Variants in GINS1 observed in about 807,000 individuals in gnomAD.
The protein encoded by GINS1 is GINS complex subunit 1.
A neutral mutation model predicts 34.9 loss-of-function variants in GINS1; 26 were observed. That is an observed-to-expected ratio of 0.74 (90% CI 0.55 to 1.03). The LOEUF (loss-of-function observed/expected upper bound fraction) is 1.03, where lower values mean the gene tolerates loss of function less well. Ranked by LOEUF, GINS1 falls within the 50% of genes least tolerant of loss-of-function variation. The pLI, the probability that GINS1 is intolerant of heterozygous loss-of-function variation, is 0.00. For missense variants in GINS1, 235 were observed against 237.9 expected (o/e 0.99, Z 0.08); for synonymous variants, 97 against 84.4 (o/e 1.15, Z -0.82).
chr20:25,447,459 A>G lies in GINS1; in HGVS notation c.*1468A>G, dbSNP rs2090518827. On this transcript the variant is annotated 3_prime_UTR_variant, in exon 7 of 7. Coordinates refer to ENST00000262460, the MANE Select transcript of GINS1 (RefSeq NM_021067.5). ...TTTTGAAAGGACTGCCCTTTGCTCTATCACCTTTGCATTTTTGTTAAAAAG... is the reference window on the plus strand; with the variant it reads ...TTTTGAAAGGACTGCCCTTTGCTCTGTCACCTTTGCATTTTTGTTAAAAAG... The G allele has an allele frequency of 6.6e-6, 1 of 152,218 alleles. No individual in the cohort carries two copies. The highest frequency in any genetic ancestry group is 2.4e-5 in the African/African-American group (1 of 41,450). The allele number at this position is 152,218 out of a possible 1,614,324, so 9.4% of individuals were successfully genotyped here.
chr20:25,408,948 C>T (rs925386759), intron 1 of GINS1: 1 of 983,054 alleles, frequency 1.0e-6, no homozygotes, highest in Non-Finnish European at 1.2e-6. Context: ...TAGAATTCAC[C>T]ACGCTAAGTG....
chr20:25,410,117 G>A (rs1295237117), intron 1 of GINS1, among the ~76,000 whole-genome samples: 1 of 152,058 alleles, frequency 6.6e-6, no homozygotes, highest in East Asian at 1.9e-4. Flanking sequence ...TGAGGCGGGC[G>A]GATTACAGGG....
chr20:25,416,863 A>G (rs1028856810), intron 2 of GINS1, among the ~76,000 whole-genome samples: 1 of 152,250 alleles, frequency 6.6e-6, no homozygotes, highest in Admixed American at 6.5e-5. Context: ...GCAAAAATGC[A>G]AAGTACCAAA....
At chr20:25,444,613 T>G (rs1242463997) in intron 6 of GINS1, among the ~76,000 whole-genome samples, 1 of 152,214 alleles carries the variant, frequency 6.6e-6, no homozygotes, top group African/African-American at 2.4e-5. Context: ...GAGATCTTCC[T>G]TTGAGATTTC....
At chr20:25,437,531 C>T (rs531801594) in intron 5 of GINS1, among the ~76,000 whole-genome samples, 6 of 152,322 alleles carry the variant, frequency 3.9e-5, no homozygotes, top group Non-Finnish European at 7.3e-5. Flanking sequence ...TTCCAAAATA[C>T]TGACGTCAGA....
At chr20:25,421,635 G>A (rs2090355953) in intron 4 of GINS1, among the ~76,000 whole-genome samples, 1 of 152,164 alleles carries the variant, frequency 6.6e-6, no homozygotes, top group Non-Finnish European at 1.5e-5. Flanking sequence ...TAACATGAGA[G>A]ATAGTGAAAA....
At chr20:25,408,577 G>T (rs1396053357) in intron 1 of GINS1, among the ~76,000 whole-genome samples, 1 of 152,042 alleles carries the variant, frequency 6.6e-6, no homozygotes, top group Non-Finnish European at 1.5e-5. Context: ...CCCTTTGAGG[G>T]CCCGGTACCA....
chr20:25,419,835 G>C (rs2090344175), intron 4 of GINS1: 1 of 173,990 alleles, frequency 5.7e-6, no homozygotes, highest in Non-Finnish European at 1.3e-5. Context: ...GCTAATTTTT[G>C]TATTTTAGTA....
intron 6 of GINS1, among the ~76,000 whole-genome samples, chr20:25,444,159 G>A (rs1298247945): frequency 6.6e-6 from 1 of 151,764 alleles, no homozygotes; most frequent in Non-Finnish European, 1.5e-5. Context: ...TTGCAGGCGT[G>A]TGTCACCATG....
At chr20:25,431,228 T>C (rs2090425291) in intron 5 of GINS1, among the ~76,000 whole-genome samples, 1 of 152,210 alleles carries the variant, frequency 6.6e-6, no homozygotes, top group African/African-American at 2.4e-5. Context: ...GAACTCTTTT[T>C]ATTTCTGTAG....
chr20:25,422,345 G>A (rs2090360578), intron 4 of GINS1, among the ~76,000 whole-genome samples: 1 of 151,994 alleles, frequency 6.6e-6, no homozygotes, highest in Admixed American at 6.6e-5. Flanking sequence ...AGGCCAAGGT[G>A]GATGGATTGC....
At position 25,443,980 on chromosome 20, in the gene GINS1, T is replaced by TTATCTATCTATCTATCTATCTATC. The variant is rs35231046; in HGVS notation, c.523-1927_523-1904dup. Among the ~76,000 whole-genome samples, 438 of 142,916 alleles carry TTATCTATCTATCTATCTATCTATC rather than the reference T, an allele frequency of 3.1e-3. 4 individuals carry two copies. The highest frequency in any genetic ancestry group is 7.1e-3 in the East Asian group (33 of 4,680). The allele number at this position is 142,916 out of a possible 152,430, so 93.8% of individuals were successfully genotyped here. ...ACTCTAAAATATTAGTAGGAAACAT[T>TTATCTATCTATCTATCTATCTATC]TATCTATCTATCTATCTATCTATCT... On this transcript the variant is annotated intron_variant, in intron 6 of 6. Transcript: ENST00000262460.
At chr20:25,425,756 A>G (rs1600931118) in intron 5 of GINS1, among the ~76,000 whole-genome samples, 1 of 152,162 alleles carries the variant, frequency 6.6e-6, no homozygotes, top group Non-Finnish European at 1.5e-5. Context: ...AAAAAAAGCA[A>G]ATGTCTTTCA....
intron 5 of GINS1, among the ~76,000 whole-genome samples, chr20:25,435,764 CA>C (rs1220652491): frequency 1.6e-5 from 1 of 60,766 alleles, no homozygotes; most frequent in Non-Finnish European, 2.7e-5. Flanking sequence ...GATTCCGTCT[CA>C]AAAAAAAAAA....
At position 25,413,382 on chromosome 20, in the gene GINS1, G is replaced by T. The variant is rs1360831984; in HGVS notation, c.76-408G>T. 3 of 157,860 alleles carry T rather than the reference G, an allele frequency of 1.9e-5. No individual in the cohort carries two copies. In the East Asian group the frequency reaches 5.4e-4, roughly 29 times the overall value. The allele number at this position is 157,860 out of a possible 1,614,324, so 9.8% of individuals were successfully genotyped here. On this transcript the variant is annotated intron_variant, in intron 1 of 6. Coordinates refer to ENST00000262460, the MANE Select transcript of GINS1 (RefSeq NM_021067.5). ...TTATTATATTAGATTTTTCAGATAA[G>T]TGGAAGGTTTATCCATCTATCATTT...
intron 6 of GINS1, 81 bp downstream of exon 6, chr20:25,441,857 C>A: frequency 1.4e-6 from 1 of 719,934 alleles, no homozygotes; most frequent in South Asian, 1.7e-5. Context: ...AAATAAATAT[C>A]AACTTTTGAT....
At chr20:25,443,510 C>T (rs2090494112) in intron 6 of GINS1, among the ~76,000 whole-genome samples, 1 of 145,764 alleles carries the variant, frequency 6.9e-6, no homozygotes, top group Non-Finnish European at 1.5e-5. Context: ...CAAAGTCTCG[C>T]TCTTGTCCCC....
At chr20:25,441,926 C>T in intron 6 of GINS1, 150 bp downstream of exon 6, 1 of 476,716 alleles carries the variant, frequency 2.1e-6, no homozygotes, top group Non-Finnish European at 3.7e-6. Flanking sequence ...TGTACTTTTT[C>T]TGAATATTAA....
chr20:25,407,743 G>T lies in GINS1; in HGVS notation c.-78G>T. On this transcript the variant is annotated 5_prime_UTR_variant, in exon 1 of 7. Coordinates refer to ENST00000262460, the MANE Select transcript of GINS1 (RefSeq NM_021067.5). ...GCTGTAGGACTAGAACGAAAGGAGT[G>T]AGGCGCCGAGAGCCCAGATACCATT... The T allele has an allele frequency of 9.2e-7, 1 of 1,088,424 alleles. No individual in the cohort carries two copies. The highest frequency in any genetic ancestry group is 1.4e-6 in the Non-Finnish European group (1 of 711,156). 67.4% of individuals were successfully genotyped at this position (1,088,424 alleles called of 1,614,324 possible).
Sources: allele counts gnomAD v4.1 joint callset (sites outside exome capture counted in the v4.1 genomes callset), GRCh38; gene constraint gnomAD v4.1.1; transcripts MANE v1.5; gene names NCBI Gene and HGNC (gene_info 2026-07-23, HGNC 2026-07-21).